The following ASXL3 variants were observed in gnomAD, a reference collection of about 807,000 sequenced individuals.
ASXL3 encodes putative Polycomb group protein ASXL3.
ASXL3 carries 34 observed loss-of-function variants against 170.6 expected under a neutral mutation model. The observed-to-expected ratio is 0.20, with a 90% CI of 0.15 to 0.27. The LOEUF is 0.27. Among genes scored for constraint, ASXL3 ranks in the 10% least tolerant of loss-of-function variants. ASXL3 has a pLI of 1.00. For synonymous variants in ASXL3, 1,002 were observed against 989.1 expected (o/e 1.01, Z -0.24); for missense variants, 2,592 against 2,695.3 (o/e 0.96, Z 0.85).
chr18:33,647,357 A>G (rs1271013141), intron 4 of ASXL3, among the ~76,000 whole-genome samples: 1 of 151,986 alleles, frequency 6.6e-6, no homozygotes, highest in Non-Finnish European at 1.5e-5. Context: ...TGTAGGAAAA[A>G]CACAGTTTAT....
Position 33,746,250 on chromosome 18 carries a change from T to C in ASXL3, c.6402T>C (p.Phe2134=), listed in dbSNP as rs972819777. ...SYLLSEPQKP[F]TQLAAQKMQV... Reference sequence around the variant, plus strand: ...TGCTTTCTGAGCCACAAAAGCCTTTTACCCAATTAGCTGCTCAGAAAATGC... The same window carrying C: ...TGCTTTCTGAGCCACAAAAGCCTTTCACCCAATTAGCTGCTCAGAAAATGC... The change falls in exon 12 of 12, where the codon TTT becomes TTC. Residue 2134 remains phenylalanine (F), a synonymous_variant. Coordinates refer to ENST00000269197, the MANE Select transcript of ASXL3 (RefSeq NM_030632.3). The C allele has an allele frequency of 6.2e-7, 1 of 1,613,986 alleles. No individual in the cohort carries two copies. Among genetic ancestry groups the C allele is most frequent in the Admixed American group, 1.7e-5 (1 of 60,034 alleles).
At chr18:33,601,165 A>T (rs1260301980) in intron 1 of ASXL3, among the ~76,000 whole-genome samples, 2 of 152,078 alleles carry the variant, frequency 1.3e-5, no homozygotes, top group Admixed American at 6.6e-5. Context: ...AGTGAAGTTT[A>T]CTTAGGAAAT....
intron 2 of ASXL3, among the ~76,000 whole-genome samples, chr18:33,628,390 G>A (rs1419385889): frequency 6.6e-6 from 1 of 152,082 alleles, no homozygotes; most frequent in Admixed American, 6.6e-5. Context: ...AACAAACCAA[G>A]GAGGAAATGA....
intron 1 of ASXL3, chr18:33,578,991 C>G (rs116955773): frequency 6.3e-5 from 11 of 174,420 alleles, no homozygotes; most frequent in Admixed American, 5.6e-4. Flanking sequence ...TCCGAGCGCT[C>G]GGCGCAGCTC....
rs376766413 is a variant in ASXL3 at position 33,690,397 on chromosome 18, A to G, written c.879+6829A>G. The G allele has an allele frequency of 4.6e-5, 7 of 152,320 alleles. No individual in the cohort carries two copies. In the East Asian group the frequency reaches 1.4e-3, roughly 29 times the overall value. The allele number at this position is 152,320 out of a possible 1,614,324, so 9.4% of individuals were successfully genotyped here. ...CAGAAAACTACACTTATGTATAGGT[A>G]TGAATACCCATGTACATGCACCTGT... On this transcript the variant is annotated intron_variant, in intron 8 of 11. Coordinates refer to ENST00000269197, the MANE Select transcript of ASXL3 (RefSeq NM_030632.3).
Position 33,743,797 on chromosome 18 carries a change from T to C in ASXL3, c.3949T>C (p.Ser1317Pro). 1 of 1,613,958 alleles carries C rather than the reference T, an allele frequency of 6.2e-7. No homozygotes were observed. The highest frequency in any genetic ancestry group is 8.5e-7 in the Non-Finnish European group (1 of 1,179,896). Residue 1317 changes from serine to proline, a missense_variant, in exon 12 of 12, where the codon TCC becomes CCC. Around this residue, in one of 4 missense-constraint regions of ASXL3, gnomAD observed 2,246 missense variants for 2,219.6 expected, o/e 1.01. Transcript: ENST00000269197. The part of the protein sequence containing the change: ...ATTEGSSISS[S>P]MDDKQLLISS... ...TACAGAGGGCTCCAGCATATCAAGC[T>C]CCATGGATGATAAGCAGTTACTAAT...
At chr18:33,607,460 C>CTG (rs1654600162) in intron 1 of ASXL3, 134 bp from the exon 2 acceptor site, 2 of 717,678 alleles carry the variant, frequency 2.8e-6, no homozygotes, top group African/African-American at 1.8e-5. Context: ...GACACCTGAT[C>CTG]TGTATGATGG....
chr18:33,707,118 C>T (rs1599522188), intron 8 of ASXL3, among the ~76,000 whole-genome samples: 1 of 151,798 alleles, frequency 6.6e-6, no homozygotes, highest in East Asian at 1.9e-4. Context: ...TCTGTCCTTA[C>T]ACCAAAACCA....
chr18:33,638,385 T>C (rs1225345479), intron 2 of ASXL3, among the ~76,000 whole-genome samples: 2 of 152,092 alleles, frequency 1.3e-5, no homozygotes, highest in Non-Finnish European at 2.9e-5. Context: ...TCTTTAAGTT[T>C]CTTCTTCCTT....
rs576481019 is a variant in ASXL3 at position 33,632,585 on chromosome 18, CCTT to C, written c.138-12303_138-12301del. 3.0e-3 allele frequency among the ~76,000 whole-genome samples: 460 copies of C among 152,308 alleles called. 6 individuals carry two copies. The highest frequency in any genetic ancestry group is 0.011 in the African/African-American group (442 of 41,564). On this transcript the variant is annotated intron_variant, in intron 2 of 11. Transcript: ENST00000269197. The stretch of plus-strand genomic sequence containing the variant: ...CTTCTCTAGTTCCCAGTCCTAAACT[CCTT>C]CTTCTCCTTTATCTCACACATTTTG...
chr18:33,740,144 G>T lies in ASXL3; in HGVS notation c.2740G>T (p.Ala914Ser). 1 of 1,613,880 alleles carries T rather than the reference G, an allele frequency of 6.2e-7. No individual in the cohort carries two copies. Among genetic ancestry groups the T allele is most frequent in the Admixed American group, 1.7e-5 (1 of 60,018 alleles). The part of the protein sequence containing the change: ...DKQYISSVDK[A>S]PFSEGSRNKT... The stretch of plus-strand genomic sequence containing the variant: ...GCAATATATCTCATCAGTGGATAAG[G>T]CTCCATTTTCAGAAGGCTCTAGAAA... The change falls in exon 11 of 12, where the codon GCT becomes TCT. Residue 914 changes from alanine (A) to serine (S), a missense_variant. Ala to Ser is a moderately conservative substitution (Grantham distance 99). This residue lies in a region of ASXL3 where 2,246 missense variants were observed against 2,219.6 expected (regional missense o/e 1.01). Transcript: ENST00000269197.
At chr18:33,709,022 A>G (rs1411047003) in intron 8 of ASXL3, among the ~76,000 whole-genome samples, 1 of 152,192 alleles carries the variant, frequency 6.6e-6, no homozygotes, top group African/African-American at 2.4e-5. Flanking sequence ...CGATAAACAT[A>G]TGAAAATTTG....
At chr18:33,653,374 A>G (rs1334725319) in intron 4 of ASXL3, among the ~76,000 whole-genome samples, 1 of 152,014 alleles carries the variant, frequency 6.6e-6, no homozygotes, top group African/African-American at 2.4e-5. Flanking sequence ...GACTAAGCTA[A>G]TTTGTCTTTC....
In ASXL3 at chr18:33,664,373, A is replaced by G. The variant is rs536358832; in HGVS notation, c.477+2636A>G. On this transcript the variant is annotated intron_variant, in intron 5 of 11. Coordinates refer to ENST00000269197, the MANE Select transcript of ASXL3 (RefSeq NM_030632.3). The stretch of plus-strand genomic sequence containing the variant: ...AGAAAATCTACATACTTGAGTTGTT[A>G]TATAGCATATGGAAAGCAATACAGC... 2.6e-5 allele frequency among the ~76,000 whole-genome samples: 4 copies of G among 152,172 alleles called. No individual in the cohort carries two copies. In the South Asian group the frequency reaches 6.2e-4, roughly 24 times the overall value.
intron 2 of ASXL3, among the ~76,000 whole-genome samples, chr18:33,625,242 C>G (rs111438957): frequency 1.3e-5 from 2 of 152,158 alleles, no homozygotes; most frequent in South Asian, 4.1e-4. Context: ...GTTTGCACGT[C>G]CTGTATGATT....
chr18:33,732,060 A>C lies in ASXL3; in HGVS notation c.972A>C (p.Ala324=). 1.2e-6 allele frequency: 2 copies of C among 1,611,640 alleles called. No individual in the cohort carries two copies. Among genetic ancestry groups the C allele is most frequent in the Non-Finnish European group, 1.7e-6 (2 of 1,178,452 alleles). ...CACAAGGGTGGAAACAGCGACTGGCAGAAGGTAAATTTGTATTTTCTATTA... is the reference window on the plus strand; with the variant it reads ...CACAAGGGTGGAAACAGCGACTGGCCGAAGGTAAATTTGTATTTTCTATTA... ...YAAQGWKQRL[A]EGEFTPEMQL... Residue 324 remains alanine, a synonymous_variant, in exon 9 of 12, where the codon GCA becomes GCC. Transcript: ENST00000269197.
At chr18:33,619,128 G>A (rs2065471613) in intron 2 of ASXL3, among the ~76,000 whole-genome samples, 1 of 152,094 alleles carries the variant, frequency 6.6e-6, no homozygotes, top group African/African-American at 2.4e-5. Context: ...AAGAATCAGA[G>A]GCAGATGAGG....
intron 8 of ASXL3, among the ~76,000 whole-genome samples, chr18:33,705,891 C>G (rs2066947234): frequency 6.6e-6 from 1 of 151,822 alleles, no homozygotes; most frequent in African/African-American, 2.4e-5. Flanking sequence ...TTTGGAAACT[C>G]CCGTTGCCGT....
intron 1 of ASXL3, among the ~76,000 whole-genome samples, chr18:33,588,280 G>A (rs922843100): frequency 6.6e-6 from 1 of 151,690 alleles, no homozygotes; most frequent in African/African-American, 2.4e-5. Flanking sequence ...AGTGCTGAAT[G>A]TATTGGTTTT....
Sources: allele counts gnomAD v4.1 joint callset (sites outside exome capture counted in the v4.1 genomes callset), GRCh38; gene constraint gnomAD v4.1.1; regional missense constraint gnomAD v4.1.1; transcripts MANE v1.5; gene names NCBI Gene and HGNC (gene_info 2026-07-23, HGNC 2026-07-21).